Variants in TMTC2 observed in about 807,000 individuals in gnomAD.
TMTC2 encodes the protein protein O-mannosyl-transferase TMTC2.
Under a neutral mutation model 82.4 loss-of-function variants are expected in TMTC2, and 43 were observed. That is an observed-to-expected ratio of 0.52 (90% CI 0.41 to 0.67). The LOEUF (loss-of-function observed/expected upper bound fraction) is 0.67. Ranked by LOEUF, TMTC2 falls within the 30% of genes least tolerant of loss-of-function variation. The probability of loss-of-function intolerance (pLI) is 0.00; values close to 1 mark genes in which losing one functional copy is unlikely to be tolerated. For missense variants in TMTC2, 919 were observed against 1,012.4 expected (o/e 0.91, Z 1.25); for synonymous variants, 408 against 381.9 (o/e 1.07, Z -0.80).
intron 1 of TMTC2, among the ~76,000 whole-genome samples, chr12:82,780,483 A>G (rs1017370176): frequency 3.9e-5 from 6 of 152,066 alleles, no homozygotes; most frequent in East Asian, 1.9e-4. Context: ...GATTAAACAC[A>G]TGATATAAAA....
At chr12:82,742,697 T>C (rs1291181057) in intron 1 of TMTC2, among the ~76,000 whole-genome samples, 1 of 151,608 alleles carries the variant, frequency 6.6e-6, no homozygotes, top group Non-Finnish European at 1.5e-5. Flanking sequence ...TTTTTTTTTG[T>C]ATTTTTAGTA....
intron 11 of TMTC2, among the ~76,000 whole-genome samples, chr12:83,074,820 T>C (rs967411211): frequency 6.6e-6 from 1 of 152,146 alleles, no homozygotes; most frequent in East Asian, 1.9e-4. Flanking sequence ...GGTTTGGTTC[T>C]TCCCCCGCCT....
chr12:83,106,784 G>A (rs1011211056), intron 11 of TMTC2, among the ~76,000 whole-genome samples: 1 of 152,132 alleles, frequency 6.6e-6, no homozygotes, highest in African/African-American at 2.4e-5. Flanking sequence ...CTCTCTTATT[G>A]TTTAAGATTA....
At chr12:82,923,183 C>A (rs1477070146) in intron 3 of TMTC2, among the ~76,000 whole-genome samples, 1 of 152,096 alleles carries the variant, frequency 6.6e-6, no homozygotes, top group Non-Finnish European at 1.5e-5. Flanking sequence ...TATTTTCTTG[C>A]CAGTCTAGGT....
intron 1 of TMTC2, among the ~76,000 whole-genome samples, chr12:82,833,472 GTTCT>G (rs1374877123): frequency 1.3e-5 from 2 of 152,152 alleles, no homozygotes; most frequent in East Asian, 1.9e-4. Context: ...TGCTCTTGAG[GTTCT>G]TTCTTGAAGA....
chr12:82,944,607 A>G (rs1377891694), intron 4 of TMTC2, among the ~76,000 whole-genome samples: 1 of 151,734 alleles, frequency 6.6e-6, no homozygotes, highest in Non-Finnish European at 1.5e-5. Flanking sequence ...AAAAGTAGAA[A>G]CCTAAAGTTG....
At chr12:83,002,876 C>T (rs1322761891) in intron 8 of TMTC2, among the ~76,000 whole-genome samples, 2 of 151,416 alleles carry the variant, frequency 1.3e-5, no homozygotes, top group Non-Finnish European at 2.9e-5. Flanking sequence ...ATTATATATT[C>T]TGTGGTTGTT....
At position 82,908,065 on chromosome 12, in the gene TMTC2, CTG is replaced by C. The variant is rs1874421823; in HGVS notation, c.1483+11421_1483+11422del. ...GGGCGGAGGTTGCAGTGAGCCGAGA[CTG>C]TACCGAGGGCAACAGAGCGAGATTC... is the stretch of plus-strand genomic sequence containing the variant. On this transcript the variant is annotated intron_variant, in intron 3 of 11. Transcript: ENST00000321196. Among the ~76,000 whole-genome samples, 4 of 152,182 alleles carry C rather than the reference CTG, an allele frequency of 2.6e-5. 1 individual carries two copies. The South Asian group carries it at 8.3e-4, about 32-fold the overall frequency.
chr12:82,864,077 C>T (rs1421098425), intron 2 of TMTC2, among the ~76,000 whole-genome samples: 1 of 152,052 alleles, frequency 6.6e-6, no homozygotes, highest in Non-Finnish European at 1.5e-5. Context: ...AAGGGTACAG[C>T]ATGAGCATTA....
chr12:83,104,284 G>A (rs147859244), intron 11 of TMTC2, among the ~76,000 whole-genome samples: 251 of 152,328 alleles, frequency 1.6e-3, no homozygotes, highest in Middle Eastern at 6.8e-3. Context: ...AGCTCCACTA[G>A]GCAGTGCCCC....
At chr12:82,756,286 T>G (rs1876320459) in intron 1 of TMTC2, among the ~76,000 whole-genome samples, 1 of 152,224 alleles carries the variant, frequency 6.6e-6, no homozygotes, top group Non-Finnish European at 1.5e-5. Flanking sequence ...TTGAAATTTT[T>G]CCATGTATAT....
intron 11 of TMTC2, among the ~76,000 whole-genome samples, chr12:83,105,100 A>G (rs1231357829): frequency 1.3e-5 from 2 of 152,154 alleles, no homozygotes; most frequent in African/African-American, 2.4e-5. Context: ...CCAGTTCCCA[A>G]TAAGTTCCTC....
chr12:82,769,391 G>A (rs1047829462), intron 1 of TMTC2, among the ~76,000 whole-genome samples: 18 of 151,902 alleles, frequency 1.2e-4, no homozygotes, highest in African/African-American at 4.4e-4. Context: ...CAGGAGAATC[G>A]TTTGAGCCTG....
chr12:82,761,402 G>A (rs114284103), intron 1 of TMTC2, among the ~76,000 whole-genome samples: 74 of 152,338 alleles, frequency 4.9e-4, no homozygotes, highest in African/African-American at 1.8e-3. Flanking sequence ...GATGAGTACA[G>A]TGTCAGTTGG....
intron 1 of TMTC2, among the ~76,000 whole-genome samples, chr12:82,748,573 T>A (rs999309263): frequency 2.0e-5 from 3 of 151,534 alleles, no homozygotes; most frequent in African/African-American, 7.3e-5. Flanking sequence ...ATGAACTGAG[T>A]GGATTAAATA....
At chr12:82,893,486 A>G (rs1565796368) in intron 2 of TMTC2, among the ~76,000 whole-genome samples, 1 of 152,204 alleles carries the variant, frequency 6.6e-6, no homozygotes, top group Non-Finnish European at 1.5e-5. Context: ...ATTAATCTTA[A>G]TCCAACATTT....
intron 11 of TMTC2, among the ~76,000 whole-genome samples, chr12:83,110,053 T>C (rs1884547931): frequency 6.6e-6 from 1 of 152,214 alleles, no homozygotes; most frequent in Non-Finnish European, 1.5e-5. Flanking sequence ...TCACCTGTCA[T>C]TATACTCAGC....
intron 1 of TMTC2, among the ~76,000 whole-genome samples, chr12:82,799,897 T>C (rs1297081540): frequency 6.6e-6 from 1 of 152,130 alleles, no homozygotes; most frequent in Non-Finnish European, 1.5e-5. Context: ...CCATCACATG[T>C]GCCAGCAGGT....
At chr12:82,890,887 C>T (rs1217620629) in intron 2 of TMTC2, among the ~76,000 whole-genome samples, 1 of 152,112 alleles carries the variant, frequency 6.6e-6, no homozygotes, top group Non-Finnish European at 1.5e-5. Flanking sequence ...AATTGCAATC[C>T]TTTTCTAATG....
Sources: gnomAD v4.1 joint callset for allele counts (sites outside exome capture counted in the v4.1 genomes callset) on GRCh38, gnomAD v4.1.1 for gene constraint, MANE v1.5 for transcripts, NCBI Gene and HGNC (gene_info 2026-07-23, HGNC 2026-07-21) for gene names.